Variants in CAPN8 observed in about 807,000 individuals in gnomAD.
CAPN8 encodes calpain 8, also known as calpain-8.
CAPN8 carries 87 observed loss-of-function variants against 80.9 expected under a neutral mutation model. That is an observed-to-expected ratio of 1.07 (90% CI 0.90 to 1.28). The LOEUF (loss-of-function observed/expected upper bound fraction) is 1.28, where lower values mean the gene tolerates loss of function less well. Among genes scored for constraint, CAPN8 ranks in the 50% most tolerant of loss-of-function variants. The probability of loss-of-function intolerance (pLI) is 0.00; values close to 1 mark genes in which losing one functional copy is unlikely to be tolerated. For missense variants in CAPN8, 757 were observed against 702.0 expected (o/e 1.08, Z -0.89); for synonymous variants, 299 against 273.8 (o/e 1.09, Z -0.91).
intron 16 of CAPN8, among the ~76,000 whole-genome samples, chr1:223,548,432 C>A (rs930527004): frequency 6.6e-6 from 1 of 152,140 alleles, no homozygotes; most frequent in Non-Finnish European, 1.5e-5. Context: ...GTGTTTTTGT[C>A]CTCCAAAATT....
intron 11 of CAPN8, 144 bp downstream of exon 11, chr1:223,612,102 G>A: frequency 5.0e-6 from 3 of 594,900 alleles, no homozygotes; most frequent in Non-Finnish European, 7.3e-6. Flanking sequence ...GCCTACTCAT[G>A]TGGTTTGATT....
In CAPN8 at chr1:223,617,727, C is replaced by T. The variant is rs185667015; in HGVS notation, c.1135+1566G>A. ...AAATAATACTCCCATTTATATAATG[C>T]TACACAGTTTACAAAGTGCTTCCCT... On this transcript the variant is annotated intron_variant, in intron 9 of 20. Transcript: ENST00000366872. The T allele has an allele frequency of 7.0e-4, 109 of 155,054 alleles. 1 individual carries two copies. The highest frequency in any genetic ancestry group is 1.4e-3 in the Non-Finnish European group (95 of 69,640). The allele number at this position is 155,054 out of a possible 1,614,324, so 9.6% of individuals were successfully genotyped here.
At chr1:223,640,684 C>T (rs139122154) in intron 2 of CAPN8, among the ~76,000 whole-genome samples, 10 of 152,284 alleles carry the variant, frequency 6.6e-5, no homozygotes, top group Non-Finnish European at 1.2e-4. Context: ...ATCGCCTCCA[C>T]TCCCAGTAAG....
chr1:223,613,421 T>G (rs1451499016), intron 10 of CAPN8, among the ~76,000 whole-genome samples: 1 of 152,222 alleles, frequency 6.6e-6, no homozygotes, highest in Middle Eastern at 3.2e-3. Flanking sequence ...CCCAACCACA[T>G]GGGCCGTCTT....
chr1:223,620,061 G>A, intron 8 of CAPN8, 131 bp downstream of exon 8: 2 of 766,648 alleles, frequency 2.6e-6, no homozygotes, highest in South Asian at 1.7e-5. Context: ...AGGACAAAAG[G>A]AGAAGAATGA....
chr1:223,624,738 T>TAAATAAATAAAC (rs1657512387), intron 6 of CAPN8, among the ~76,000 whole-genome samples: 1 of 151,546 alleles, frequency 6.6e-6, no homozygotes, highest in Non-Finnish European at 1.5e-5. Context: ...AATAAATAAA[T>TAAATAAATAAAC]AAATAAAATC....
At chr1:223,654,267 T>C in intron 2 of CAPN8, 63 bp downstream of exon 2, 1 of 1,373,758 alleles carries the variant, frequency 7.3e-7, no homozygotes, top group Non-Finnish European at 1.0e-6. Flanking sequence ...ATCTGATGTT[T>C]ACTCATGACA....
intron 10 of CAPN8, chr1:223,615,634 CCTTATGCCCCCATGTTCTTGG>C: frequency 2.2e-6 from 1 of 454,004 alleles, no homozygotes; most frequent in Non-Finnish European, 4.4e-6. Flanking sequence ...ACCTCAAGTG[CCTTATGCCCCCATGTTCTTGG>C]CTCTTGTCCC....
At chr1:223,623,206 A>G (rs1164987403) in intron 6 of CAPN8, among the ~76,000 whole-genome samples, 1 of 152,244 alleles carries the variant, frequency 6.6e-6, no homozygotes, top group Non-Finnish European at 1.5e-5. Context: ...AGCTTTTAAT[A>G]CATGAGACCT....
chr1:223,608,993 G>A (rs1197847644), intron 12 of CAPN8, among the ~76,000 whole-genome samples, 160 bp downstream of exon 12: 5 of 145,980 alleles, frequency 3.4e-5, no homozygotes, highest in African/African-American at 1.3e-4. Flanking sequence ...GGGGTAGGAG[G>A]GGGACACCCA....
intron 4 of CAPN8, among the ~76,000 whole-genome samples, 197 bp downstream of exon 4, chr1:223,627,812 G>A (rs1657635212): frequency 1.3e-5 from 2 of 152,198 alleles, no homozygotes. Flanking sequence ...GCAGAGCTGA[G>A]ATGCTAAACT....
rs115728816 is a variant in CAPN8, at chr1:223,543,806, G to T, written c.2029+261C>A. On this transcript the variant is annotated intron_variant, in intron 19 of 20. Coordinates refer to ENST00000366872, the MANE Select transcript of CAPN8 (RefSeq NM_001143962.2). The stretch of plus-strand genomic sequence containing the variant: ...CCTAGTGACTGCACACTGTAGATGC[G>T]CAATAGTCTGGATGGCAGCTTTGTT... Among the ~76,000 whole-genome samples the T allele has an allele frequency of 6.5e-3, 985 of 152,304 alleles. 15 individuals carry two copies. Among genetic ancestry groups the T allele is most frequent in the Admixed American group, 0.013 (193 of 15,306 alleles).
intron 2 of CAPN8, among the ~76,000 whole-genome samples, chr1:223,648,900 G>C (rs575635048): frequency 8.0e-4 from 122 of 152,294 alleles, no homozygotes; most frequent in African/African-American, 2.5e-3. Flanking sequence ...GCAGGAGACA[G>C]AGAAAGAAAC....
intron 14 of CAPN8, among the ~76,000 whole-genome samples, chr1:223,551,933 G>A (rs1228367371): frequency 6.6e-6 from 1 of 152,178 alleles, no homozygotes; most frequent in Non-Finnish European, 1.5e-5. Context: ...TGGGGGCAGA[G>A]ATTGAGAGAA....
rs1313413143 is a variant in CAPN8, at chr1:223,619,439, T to C, written c.989A>G (p.Asp330Gly). ...EDGEFWMSLS[D>G]FVRQFSRLEI... is the part of the protein sequence containing the mutation. ...CAACCGAGAGAACTGCCTCACGAAA[T>C]CTGAAAGTGACATCCTGGGGCAGAG... The change falls in exon 9 of 21, where the codon GAT becomes GGT. Residue 330 changes from aspartate to glycine, a missense_variant. Transcript: ENST00000366872. 3.2e-6 allele frequency: 5 copies of C among 1,551,270 alleles called. No individual in the cohort carries two copies. Among genetic ancestry groups the C allele is most frequent in the Middle Eastern group, 1.7e-4 (1 of 5,990 alleles).
At chr1:223,621,387 G>A (rs1019602755) in intron 7 of CAPN8, among the ~76,000 whole-genome samples, 2 of 151,982 alleles carry the variant, frequency 1.3e-5, no homozygotes, top group Admixed American at 6.6e-5. Flanking sequence ...AGGGCCTCCA[G>A]GACTTGACAG....
chr1:223,662,679 A>G (rs1275555509), intron 1 of CAPN8, among the ~76,000 whole-genome samples: 1 of 152,210 alleles, frequency 6.6e-6, no homozygotes, highest in Non-Finnish European at 1.5e-5. Flanking sequence ...TATGTGTATC[A>G]TACCACAATT....
At chr1:223,619,193 CAAAA>C in intron 9 of CAPN8, 96 bp downstream of exon 9, 1 of 1,417,632 alleles carries the variant, frequency 7.1e-7, no homozygotes, top group Non-Finnish European at 9.5e-7. Context: ...GGCCCTGTCT[CAAAA>C]AAACACACAA....
chr1:223,641,441 A>G, intron 2 of CAPN8, among the ~76,000 whole-genome samples: 1 of 151,354 alleles, frequency 6.6e-6, no homozygotes, highest in South Asian at 2.1e-4. Flanking sequence ...AATACCAGTT[A>G]TCTGCAAATA....
Sources: gnomAD v4.1 joint callset for allele counts (sites outside exome capture counted in the v4.1 genomes callset) on GRCh38, gnomAD v4.1.1 for gene constraint, MANE v1.5 for transcripts, NCBI Gene and HGNC (gene_info 2026-07-23, HGNC 2026-07-21) for gene names.